ATP11B: variants seen among roughly 807,000 people sequenced by gnomAD.
ATP11B encodes phospholipid-transporting ATPase IF.
A neutral mutation model predicts 157.8 loss-of-function variants in ATP11B; 81 were observed. That is an observed-to-expected ratio of 0.51 (90% CI 0.43 to 0.62). The LOEUF is 0.62. ATP11B is among the 20% of genes least tolerant of loss of function. The pLI is 0.00. For missense variants in ATP11B, 1,165 were observed against 1,402.2 expected (o/e 0.83, Z 2.70); for synonymous variants, 451 against 469.4 (o/e 0.96, Z 0.51).
chr3:182,901,946 T>G (rs1330249513), intron 28 of ATP11B, among the ~76,000 whole-genome samples: 1 of 152,212 alleles, frequency 6.6e-6, no homozygotes, highest in Non-Finnish European at 1.5e-5. Context: ...CTAAATGACT[T>G]AACTGGATGT....
At chr3:182,865,936 TAAGAA>T (rs5854960) in intron 13 of ATP11B, among the ~76,000 whole-genome samples, 98,713 of 151,420 alleles carry the variant, frequency 0.65, 33,644 homozygotes, top group Non-Finnish European at 0.77. Context: ...GGAACGTAGT[TAAGAA>T]AAGCCCTTAC....
At chr3:182,804,010 A>G (rs940980744) in intron 1 of ATP11B, among the ~76,000 whole-genome samples, 14 of 152,090 alleles carry the variant, frequency 9.2e-5, no homozygotes, top group Non-Finnish European at 1.9e-4. Flanking sequence ...TTACAATTAT[A>G]CTGAACTTTA....
chr3:182,895,852 A>G (rs919053503), intron 25 of ATP11B, among the ~76,000 whole-genome samples: 14 of 152,060 alleles, frequency 9.2e-5, no homozygotes, highest in Non-Finnish European at 1.5e-5. Context: ...TTCTGGCAGG[A>G]TGTCTTCGTG....
intron 28 of ATP11B, chr3:182,902,378 A>G: frequency 2.1e-6 from 1 of 479,466 alleles, no homozygotes; most frequent in South Asian, 2.4e-5. Context: ...CTCCTCGTGT[A>G]GGAACAGATG....
intron 1 of ATP11B, among the ~76,000 whole-genome samples, chr3:182,803,331 T>G (rs934437414): frequency 6.6e-6 from 1 of 152,204 alleles, no homozygotes; most frequent in Admixed American, 6.5e-5. Flanking sequence ...TATCCTCAAT[T>G]TCATTCACAT....
intron 1 of ATP11B, among the ~76,000 whole-genome samples, chr3:182,810,519 C>T (rs1444932756): frequency 6.6e-6 from 1 of 151,772 alleles, no homozygotes; most frequent in African/African-American, 2.4e-5. Context: ...TTCTTGATAA[C>T]ACATTTCTGA....
In ATP11B at chr3:182,880,921, T is replaced by C. The variant is rs748003801; in HGVS notation, c.2449T>C (p.Leu817=). 2.5e-6 allele frequency: 4 copies of C among 1,605,338 alleles called. No individual in the cohort carries two copies. The highest frequency in any genetic ancestry group is 2.7e-5 in the African/African-American group (2 of 74,456). ...AATATCACCTGAGAAACCTATAACA[T>C]TGGCTGTTGGTGATGGTGCTAATGA... The part of the protein sequence containing the change: ...IKISPEKPIT[L]AVGDGANDVS... The change falls in exon 21 of 30, where the codon TTG becomes CTG. Residue 817 remains leucine, a synonymous_variant. Coordinates refer to ENST00000323116, the MANE Select transcript of ATP11B (RefSeq NM_014616.3).
At chr3:182,865,375 G>A (rs1415411017) in intron 12 of ATP11B, 81 bp from the exon 13 acceptor site, 31 of 1,412,960 alleles carry the variant, frequency 2.2e-5, no homozygotes, top group Non-Finnish European at 2.8e-5. Context: ...CTTCAGGAGA[G>A]CGAGGACAGA....
chr3:182,899,984 G>T (rs900811930), intron 28 of ATP11B, among the ~76,000 whole-genome samples: 4 of 152,076 alleles, frequency 2.6e-5, no homozygotes, highest in Admixed American at 2.6e-4. Flanking sequence ...TTTTAAACAT[G>T]CTTGTAACAT....
chr3:182,867,963 G>T (rs1241538563), intron 15 of ATP11B, among the ~76,000 whole-genome samples: 1 of 152,014 alleles, frequency 6.6e-6, no homozygotes, highest in African/African-American at 2.4e-5. Flanking sequence ...TTTACTCTCT[G>T]GCCCTTTACA....
intron 12 of ATP11B, among the ~76,000 whole-genome samples, chr3:182,861,749 G>A (rs970585487): frequency 6.6e-6 from 1 of 152,156 alleles, no homozygotes; most frequent in Non-Finnish European, 1.5e-5. Context: ...ATTATAATTT[G>A]TTTCAGATTC....
At chr3:182,852,393 G>A (rs190358573) in intron 10 of ATP11B, among the ~76,000 whole-genome samples, 90 of 152,260 alleles carry the variant, frequency 5.9e-4, no homozygotes, top group Non-Finnish European at 1.1e-3. Flanking sequence ...GGATGAAAGA[G>A]GGGATAGCTC....
At chr3:182,803,004 T>G (rs1239081153) in intron 1 of ATP11B, among the ~76,000 whole-genome samples, 1 of 152,186 alleles carries the variant, frequency 6.6e-6, no homozygotes, top group African/African-American at 2.4e-5. Flanking sequence ...TGGGGGGTTC[T>G]TTTTTTCTAA....
At position 182,911,713 on chromosome 3, in the gene ATP11B, C is replaced by T. The variant is rs147777412; in HGVS notation, c.3319-2148C>T. 3.0e-3 allele frequency among the ~76,000 whole-genome samples: 451 copies of T among 152,198 alleles called. 3 individuals are homozygous for T. The highest frequency in any genetic ancestry group is 0.01 in the Middle Eastern group (3 of 294). On this transcript the variant is annotated intron_variant, in intron 28 of 29. Transcript: ENST00000323116. ...ACCTTCTTCCTTACCTTTAGCTCAC[C>T]GGATTGAGCACAGGGTTACTATCCC...
intron 10 of ATP11B, among the ~76,000 whole-genome samples, chr3:182,856,747 A>G (rs1248621770): frequency 6.6e-6 from 1 of 152,206 alleles, no homozygotes; most frequent in Non-Finnish European, 1.5e-5. Flanking sequence ...ACATTGGAAC[A>G]TGGTGGAATA....
intron 1 of ATP11B, among the ~76,000 whole-genome samples, chr3:182,805,752 CA>C (rs1189544802): frequency 6.6e-6 from 1 of 151,908 alleles, no homozygotes; most frequent in Non-Finnish European, 1.5e-5. Flanking sequence ...TGAGCCACCG[CA>C]CTGGGCCGCT....
At chr3:182,818,189 G>A (rs552656224) in intron 1 of ATP11B, among the ~76,000 whole-genome samples, 77 of 152,282 alleles carry the variant, frequency 5.1e-4, no homozygotes, top group African/African-American at 1.9e-3. Context: ...AGTGGATGCT[G>A]AATAAATATG....
At chr3:182,809,590 T>C (rs1228720247) in intron 1 of ATP11B, among the ~76,000 whole-genome samples, 1 of 152,174 alleles carries the variant, frequency 6.6e-6, no homozygotes, top group African/African-American at 2.4e-5. Flanking sequence ...CATCCTTTGC[T>C]TGAACTGTCA....
intron 21 of ATP11B, 46 bp downstream of exon 21, chr3:182,881,027 G>T (rs764468422): frequency 1.4e-6 from 2 of 1,403,094 alleles, no homozygotes; most frequent in South Asian, 2.6e-5. Context: ...TTTAAAGTTG[G>T]TGGTATTATT....
Sources: gnomAD v4.1 joint callset for allele counts (sites outside exome capture counted in the v4.1 genomes callset) on GRCh38, gnomAD v4.1.1 for gene constraint, MANE v1.5 for transcripts, NCBI Gene and HGNC (gene_info 2026-07-23, HGNC 2026-07-21) for gene names.